RAC2: variants seen among roughly 807,000 people sequenced by gnomAD.
The protein encoded by RAC2 is ras-related C3 botulinum toxin substrate 2.
RAC2 carries 1 observed loss-of-function variant against 24.0 expected under a neutral mutation model. The observed-to-expected ratio is 0.04, with a 90% CI of 0.01 to 0.20. The LOEUF (loss-of-function observed/expected upper bound fraction) is 0.20. Ranked by LOEUF, RAC2 falls within the 10% of genes least tolerant of loss-of-function variation. The pLI is 1.00. For missense variants in RAC2, 130 were observed against 259.1 expected (o/e 0.50, Z 3.42); for synonymous variants, 114 against 106.8 (o/e 1.07, Z -0.41).
intron 2 of RAC2, among the ~76,000 whole-genome samples, chr22:37,235,466 CCA>C (rs1353624870): frequency 6.6e-6 from 1 of 152,226 alleles, no homozygotes; most frequent in Non-Finnish European, 1.5e-5. Flanking sequence ...TGACTTCCAG[CCA>C]TGTCGGGGCT....
chr22:37,235,917 G>C (rs1927208427), intron 2 of RAC2, among the ~76,000 whole-genome samples: 1 of 152,188 alleles, frequency 6.6e-6, no homozygotes, highest in Admixed American at 6.5e-5. Flanking sequence ...GCAGGGGGCT[G>C]AGGGTCTTTG....
In RAC2 at chr22:37,225,271, T is replaced by G. The variant is rs1185121014; in HGVS notation, c.*771A>C. 6.6e-6 allele frequency: 1 copy of G among 152,190 alleles called. No homozygotes were observed. The highest frequency in any genetic ancestry group is 2.4e-5 in the African/African-American group (1 of 41,444). The allele number at this position is 152,190 out of a possible 1,614,324, so 9.4% of individuals were successfully genotyped here. ...CCTGAAATCACGATATCTCCAAACTTGAATCAATAAATTTATTTTCTGCTT... is the reference window on the plus strand; with the variant it reads ...CCTGAAATCACGATATCTCCAAACTGGAATCAATAAATTTATTTTCTGCTT... On this transcript the variant is annotated 3_prime_UTR_variant, in exon 7 of 7. Transcript: ENST00000249071.
chr22:37,243,671 G>C (rs949964109), intron 1 of RAC2, among the ~76,000 whole-genome samples: 14 of 152,336 alleles, frequency 9.2e-5, no homozygotes, highest in Non-Finnish European at 1.9e-4. Context: ...CTGAGGTTCA[G>C]AGAGGTGCTG....
intron 2 of RAC2, among the ~76,000 whole-genome samples, chr22:37,236,875 T>G (rs1044998360): frequency 2.6e-5 from 4 of 151,948 alleles, no homozygotes; most frequent in Admixed American, 1.3e-4. Context: ...CAGGCAGAGG[T>G]GATGAGATCA....
intron 1 of RAC2, among the ~76,000 whole-genome samples, chr22:37,243,341 G>T (rs1414472447): frequency 3.3e-5 from 5 of 152,080 alleles, no homozygotes; most frequent in African/African-American, 1.2e-4. Context: ...AGGCCCCCAG[G>T]GGACAAGACA....
In RAC2 at chr22:37,225,505, G is replaced by A. The variant is rs1214130427; in HGVS notation, c.*537C>T. On this transcript the variant is annotated 3_prime_UTR_variant, in exon 7 of 7. Transcript: ENST00000249071. ...GCGTAGAAAATTAAATTTGTTTTAT[G>A]TTGTTCCAAAAGAGGAGAACTGAGG... The A allele has an allele frequency of 6.6e-6, 1 of 152,198 alleles. No homozygotes were observed. The highest frequency in any genetic ancestry group is 1.5e-5 in the Non-Finnish European group (1 of 68,042). The allele number at this position is 152,198 out of a possible 1,614,324, so 9.4% of individuals were successfully genotyped here.
intron 1 of RAC2, among the ~76,000 whole-genome samples, chr22:37,243,375 A>G (rs1440374110): frequency 6.6e-6 from 1 of 152,040 alleles, no homozygotes; most frequent in East Asian, 1.9e-4. Context: ...GGGATCTGAC[A>G]ACTGAGAAGG....
intron 3 of RAC2, 56 bp downstream of exon 3, chr22:37,232,745 C>T: frequency 4.1e-6 from 6 of 1,455,428 alleles, no homozygotes; most frequent in Non-Finnish European, 4.8e-6. Context: ...GCATCCCAAG[C>T]AGAGGGAACA....
intron 2 of RAC2, chr22:37,240,784 G>A (rs748191066): frequency 8.0e-5 from 41 of 515,442 alleles, no homozygotes; most frequent in Non-Finnish European, 1.3e-4. Flanking sequence ...CACTGGAGCT[G>A]CGCCTGGAGG....
In RAC2 at chr22:37,231,171, C is replaced by T. The variant is rs531071399; in HGVS notation, c.448+60G>A. On this transcript the variant is annotated intron_variant, in intron 5 of 6. Transcript: ENST00000249071. The surrounding 1 kb of genome is among the most constrained non-coding windows in gnomAD (Gnocchi z 5.5). The stretch of plus-strand genomic sequence containing the variant: ...GCAGCCCGTGTTTACAATCACACCA[C>T]GAGGCCAAGTCAGGGCCTCCCCTGC... 2.6e-5 allele frequency: 41 copies of T among 1,592,108 alleles called. No individual in the cohort carries two copies. Among genetic ancestry groups the T allele is most frequent in the Admixed American group, 1.2e-4 (7 of 59,956 alleles).
chr22:37,244,155 C>T lies in RAC2; in HGVS notation c.-7G>A, dbSNP rs771297786. Reference sequence around the variant, plus strand: ...CACACTTGATGGCCTGCATCGTGTCCGGAGCCTGGAGAGTGTCGGTGGTGA... The same window carrying T: ...CACACTTGATGGCCTGCATCGTGTCTGGAGCCTGGAGAGTGTCGGTGGTGA... On this transcript the variant is annotated 5_prime_UTR_variant, in exon 1 of 7. Transcript: ENST00000249071. The T allele has an allele frequency of 2.0e-5, 33 of 1,613,920 alleles. No homozygotes were observed. The East Asian group carries it at 7.1e-4, about 35-fold the overall frequency.
At chr22:37,240,767 G>C (rs779460205) in intron 2 of RAC2, 21 of 491,532 alleles carry the variant, frequency 4.3e-5, no homozygotes, top group African/African-American at 2.5e-4. Flanking sequence ...CTTCCCGGAG[G>C]AGGGGGCACT....
intron 6 of RAC2, among the ~76,000 whole-genome samples, chr22:37,226,372 C>T (rs1258739853): frequency 1.3e-5 from 2 of 152,056 alleles, no homozygotes; most frequent in East Asian, 3.9e-4. Flanking sequence ...ACCAAGGCAT[C>T]TTTTCCATCA....
chr22:37,234,117 C>T (rs1178359479), intron 2 of RAC2, among the ~76,000 whole-genome samples: 1 of 151,902 alleles, frequency 6.6e-6, no homozygotes, highest in African/African-American at 2.4e-5. Context: ...ACCTACTATG[C>T]ATCGGGTGCA....
chr22:37,243,456 CTCTCTG>C (rs1024101487), intron 1 of RAC2, among the ~76,000 whole-genome samples: 126 of 152,268 alleles, frequency 8.3e-4, no homozygotes, highest in African/African-American at 2.9e-3. Context: ...TCCTCCTTCC[CTCTCTG>C]TCTCTCAATG....
chr22:37,233,714 G>A (rs1409532672), intron 2 of RAC2, among the ~76,000 whole-genome samples: 1 of 152,234 alleles, frequency 6.6e-6, no homozygotes, highest in Admixed American at 6.5e-5. Flanking sequence ...GGGGAGTGGG[G>A]AGGAATAAAG....
intron 1 of RAC2, among the ~76,000 whole-genome samples, chr22:37,243,237 C>A (rs1181092618): frequency 6.6e-6 from 1 of 152,144 alleles, no homozygotes; most frequent in Non-Finnish European, 1.5e-5. Context: ...TGGCCTCAAG[C>A]AATCCTCCCA....
intron 5 of RAC2, among the ~76,000 whole-genome samples, chr22:37,228,948 A>T (rs1926971396): frequency 6.6e-6 from 1 of 152,212 alleles, no homozygotes; most frequent in South Asian, 2.1e-4. Flanking sequence ...TGGCAAGAGC[A>T]GGGTGCCCTG....
In RAC2 at chr22:37,231,853, C is replaced by T. The variant is rs1407835640; in HGVS notation, c.288+79G>A. 4 of 1,487,448 alleles carry T rather than the reference C, an allele frequency of 2.7e-6. No homozygotes were observed. Among genetic ancestry groups the T allele is most frequent in the African/African-American group, 1.4e-5 (1 of 71,604 alleles). 92.1% of individuals were successfully genotyped at this position (1,487,448 alleles called of 1,614,324 possible). ...CGACCTCTGCTGCCCCAGGGACCAG[C>T]CTAGAGTCACCAGTTCCTCCCTCTG... On this transcript the variant is annotated intron_variant, in intron 4 of 6. Transcript: ENST00000249071. The surrounding 1 kb of genome is among the most constrained non-coding windows in gnomAD (Gnocchi z 5.5).
Sources: allele counts gnomAD v4.1 joint callset (sites outside exome capture counted in the v4.1 genomes callset), GRCh38; gene constraint gnomAD v4.1.1; non-coding constraint Gnocchi (gnomAD v3.1); transcripts MANE v1.5; gene names NCBI Gene and HGNC (gene_info 2026-07-23, HGNC 2026-07-21).